SNX18: variants seen among roughly 807,000 people sequenced by gnomAD.
SNX18 encodes the protein sorting nexin-18.
Under a neutral mutation model 48.7 loss-of-function variants are expected in SNX18, and 35 were observed. That is an observed-to-expected ratio of 0.72 (90% CI 0.55 to 0.95). The LOEUF (loss-of-function observed/expected upper bound fraction) is 0.95. Among genes scored for constraint, SNX18 ranks in the 40% least tolerant of loss-of-function variants. SNX18 has a pLI of 0.00. For synonymous variants in SNX18, 492 were observed against 384.7 expected (o/e 1.28, Z -3.26); for missense variants, 824 against 871.0 (o/e 0.95, Z 0.68).
chr5:54,589,435 G>A, the SNX18 span, among the ~76,000 whole-genome samples: 3 of 152,132 alleles, frequency 2.0e-5, no homozygotes, highest in South Asian at 2.1e-4. Flanking sequence ...CTTAACTTAA[G>A]GGAAAAAATT....
the SNX18 span, among the ~76,000 whole-genome samples, chr5:54,560,179 A>G: frequency 6.6e-6 from 1 of 152,254 alleles, no homozygotes; most frequent in African/African-American, 2.4e-5. Flanking sequence ...ATGCACGCAT[A>G]TGTTCACTGC....
At chr5:54,548,034 G>T (rs1762601502), downstream of SNX18, among the ~76,000 whole-genome samples, 1 of 152,200 alleles carries the variant, frequency 6.6e-6, no homozygotes, top group South Asian at 2.1e-4. Context: ...AGCAGTGGAA[G>T]CCAGGCCTCT....
the SNX18 span, among the ~76,000 whole-genome samples, chr5:54,615,016 C>T: frequency 6.6e-6 from 1 of 152,114 alleles, no homozygotes; most frequent in African/African-American, 2.4e-5. Flanking sequence ...CCAACCAGTA[C>T]ATGACTCTAG....
the SNX18 span, among the ~76,000 whole-genome samples, chr5:54,574,347 C>G: frequency 4.6e-5 from 7 of 152,150 alleles, no homozygotes; most frequent in Non-Finnish European, 1.0e-4. Context: ...CACTTAGATC[C>G]CGGAGTGGGC....
Position 54,544,744 on chromosome 5 carries a change from C to G in SNX18, c.*1312C>G, listed in dbSNP as rs1762546841. The G allele has an allele frequency of 6.8e-6, 1 of 146,472 alleles. No individual in the cohort carries two copies. The highest frequency in any genetic ancestry group is 6.9e-5 in the Admixed American group (1 of 14,434). The allele number at this position is 146,472 out of a possible 1,614,324, so 9.1% of individuals were successfully genotyped here. On this transcript the variant is annotated 3_prime_UTR_variant, in exon 2 of 2. Transcript: ENST00000381410. The stretch of plus-strand genomic sequence containing the variant: ...AAATACCAAAAAGATTCAAAAGCAG[C>G]TTAATTTAAAAAGCACAAAGAGATT...
chr5:54,534,553 A>C (rs1762315023), intron 1 of SNX18, among the ~76,000 whole-genome samples: 1 of 152,058 alleles, frequency 6.6e-6, no homozygotes, highest in South Asian at 2.1e-4. Context: ...ACAGTGTATG[A>C]GGGCTTTTTT....
chr5:54,646,791 A>C, the SNX18 span, among the ~76,000 whole-genome samples: 30 of 152,274 alleles, frequency 2.0e-4, 1 homozygote, highest in East Asian at 5.2e-3. Flanking sequence ...CTCCACCCAG[A>C]ATGTGTTACT....
chr5:54,626,326 C>T, the SNX18 span, among the ~76,000 whole-genome samples: 1 of 152,030 alleles, frequency 6.6e-6, no homozygotes, highest in South Asian at 2.1e-4. Context: ...TTCTTTTCTT[C>T]TTCTTTTTTT....
the SNX18 span, among the ~76,000 whole-genome samples, chr5:54,581,503 G>A: frequency 0.023 from 3,469 of 152,132 alleles, 127 homozygotes; most frequent in African/African-American, 0.073. Context: ...GGGAGGGAAT[G>A]AGGATAGACG....
the SNX18 span, among the ~76,000 whole-genome samples, chr5:54,557,842 T>C: frequency 6.6e-6 from 1 of 152,234 alleles, no homozygotes; most frequent in Non-Finnish European, 1.5e-5. Flanking sequence ...CAAACATTTA[T>C]TGAGTGCCAA....
chr5:54,540,123 C>G (rs1762435756), intron 1 of SNX18, among the ~76,000 whole-genome samples: 1 of 152,038 alleles, frequency 6.6e-6, no homozygotes, highest in Non-Finnish European at 1.5e-5. Flanking sequence ...ATCCTGGGGC[C>G]TCAAAGAGAT....
the SNX18 span, among the ~76,000 whole-genome samples, chr5:54,622,101 T>C: frequency 3.9e-5 from 6 of 152,266 alleles, no homozygotes; most frequent in African/African-American, 9.6e-5. Context: ...AATCTGTTTA[T>C]ACAAAATGAT....
intron 1 of SNX18, 109 bp from the exon 2 acceptor site, chr5:54,543,070 A>G: frequency 7.6e-6 from 8 of 1,058,358 alleles, no homozygotes; most frequent in Non-Finnish European, 9.2e-6. Context: ...GGTATTGAAA[A>G]TAGTTTGGGC....
Position 54,543,613 on chromosome 5 carries a change from A to G in SNX18, c.*181A>G. 1 of 660,148 alleles carries G rather than the reference A, an allele frequency of 1.5e-6. No individual in the cohort carries two copies. 40.9% of individuals were successfully genotyped at this position (660,148 alleles called of 1,614,324 possible). ...AATAAACAGTTAATATGGTTATATA[A>G]TAGAAACAGTACCACACATTGTAAC... On this transcript the variant is annotated 3_prime_UTR_variant, in exon 2 of 2. Coordinates refer to ENST00000381410, the MANE Select transcript of SNX18 (RefSeq NM_001102575.2).
chr5:54,591,992 T>C, the SNX18 span, among the ~76,000 whole-genome samples: 2 of 152,246 alleles, frequency 1.3e-5, no homozygotes, highest in Non-Finnish European at 2.9e-5. Flanking sequence ...GCTTACTCTG[T>C]CCATATTTCA....
chr5:54,550,833 C>T (rs1421221927), downstream of SNX18, among the ~76,000 whole-genome samples: 11 of 152,142 alleles, frequency 7.2e-5, no homozygotes, highest in African/African-American at 2.7e-4. Flanking sequence ...GATCCACCTG[C>T]GTCGGCCTCC....
At chr5:54,567,700 T>C in the SNX18 span, among the ~76,000 whole-genome samples, 2 of 152,166 alleles carry the variant, frequency 1.3e-5, no homozygotes, top group Admixed American at 1.3e-4. Flanking sequence ...AGCAGTTTGG[T>C]TACAAGGCAA....
At chr5:54,592,127 T>C in the SNX18 span, among the ~76,000 whole-genome samples, 1 of 152,204 alleles carries the variant, frequency 6.6e-6, no homozygotes, top group East Asian at 1.9e-4. Context: ...ACTTGGGAAA[T>C]GTGCCAGAGG....
At chr5:54,538,664 C>CT (rs529232387) in intron 1 of SNX18, among the ~76,000 whole-genome samples, 62 of 152,270 alleles carry the variant, frequency 4.1e-4, no homozygotes, top group Admixed American at 2.7e-3. Context: ...TAAGAGTCAA[C>CT]TTTTTTTATT....
Sources: gnomAD v4.1 joint callset for allele counts (sites outside exome capture counted in the v4.1 genomes callset) on GRCh38, gnomAD v4.1.1 for gene constraint, MANE v1.5 for transcripts, NCBI Gene and HGNC (gene_info 2026-07-23, HGNC 2026-07-21) for gene names.